Variants in MRAS observed in about 807,000 individuals in gnomAD.
The protein encoded by MRAS is muscle RAS oncogene homolog.
In MRAS, 4 loss-of-function variants were observed where a neutral mutation model predicts 20.9. That is an observed-to-expected ratio of 0.19 (90% CI 0.09 to 0.44). The LOEUF is 0.44. Among genes scored for constraint, MRAS ranks in the 20% least tolerant of loss-of-function variants. MRAS has a pLI of 0.99. For missense variants in MRAS, 154 were observed against 277.5 expected, an observed-to-expected ratio of 0.56 and a Z score of 3.16; for synonymous variants, 98 against 102.9, an observed-to-expected ratio of 0.95 and a Z score of 0.29.
rs185305457 is a variant in MRAS at position 138,354,704 on chromosome 3, T to C, written c.-19+5937T>C. Among the ~76,000 whole-genome samples, 1,122 of 152,360 alleles carry C rather than the reference T, an allele frequency of 7.4e-3. 7 individuals are homozygous for C. The highest frequency in any genetic ancestry group is 0.012 in the Non-Finnish European group (822 of 68,042). On this transcript the variant is annotated intron_variant, in intron 1 of 5. Coordinates refer to ENST00000423968, the MANE Select transcript of MRAS (RefSeq NM_001085049.3). The stretch of plus-strand genomic sequence containing the variant: ...TAGCTGCCTAAACTGAACTGTAATA[T>C]TAATGATAGGTTTGTATGTTTGGAA...
intron 1 of MRAS, among the ~76,000 whole-genome samples, chr3:138,360,916 G>T (rs932972972): frequency 4.6e-5 from 7 of 152,234 alleles, no homozygotes; most frequent in Non-Finnish European, 7.3e-5. Flanking sequence ...TTTGAGGGCA[G>T]ATGAAGAGGG....
rs185627781 is a variant in MRAS, at chr3:138,393,830, C to T, written c.194-3494C>T. ...TCAGCCTCCCGAGTAGCTGGGATTA[C>T]AGGCACCTGCCACCATGCCCAGCTA... is the stretch of plus-strand genomic sequence containing the variant. On this transcript the variant is annotated intron_variant, in intron 2 of 5. Transcript: ENST00000423968. Among the ~76,000 whole-genome samples the T allele has an allele frequency of 5.3e-5, 8 of 152,208 alleles. No homozygotes were observed. The East Asian group carries it at 1.6e-3, about 29-fold the overall frequency.
chr3:138,357,326 C>G (rs965663585), intron 1 of MRAS, among the ~76,000 whole-genome samples: 4 of 152,238 alleles, frequency 2.6e-5, no homozygotes, highest in African/African-American at 9.6e-5. Context: ...GACTCAGGGA[C>G]TTTCAGTCCT....
rs554995592 is a variant in MRAS at position 138,364,201 on chromosome 3, G to T, written c.-18-8665G>T. ...CTGCTAGCCTTCCGAGAAGGGAGAGGTAGGAGGCTGAGCTGTGTTGAACTG... is the reference window on the plus strand; with the variant it reads ...CTGCTAGCCTTCCGAGAAGGGAGAGTTAGGAGGCTGAGCTGTGTTGAACTG... On this transcript the variant is annotated intron_variant, in intron 1 of 5. Coordinates refer to ENST00000423968, the MANE Select transcript of MRAS (RefSeq NM_001085049.3). Among the ~76,000 whole-genome samples the T allele has an allele frequency of 6.6e-5, 10 of 152,288 alleles. No homozygotes were observed. The South Asian group carries it at 2.1e-3, about 32-fold the overall frequency.
At chr3:138,353,381 A>G (rs1414574746) in intron 1 of MRAS, among the ~76,000 whole-genome samples, 1 of 152,184 alleles carries the variant, frequency 6.6e-6, no homozygotes, top group Non-Finnish European at 1.5e-5. Flanking sequence ...ACTTTCCACA[A>G]GGGGAGTCCT....
chr3:138,358,791 C>G (rs1482362713), intron 1 of MRAS, among the ~76,000 whole-genome samples: 2 of 152,146 alleles, frequency 1.3e-5, no homozygotes, highest in Non-Finnish European at 2.9e-5. Flanking sequence ...TTTGGGAGAC[C>G]CTGATAGTAA....
chr3:138,365,173 A>C (rs1363115549), intron 1 of MRAS, among the ~76,000 whole-genome samples: 2 of 152,210 alleles, frequency 1.3e-5, no homozygotes, highest in African/African-American at 4.8e-5. Context: ...TCTACCTTCT[A>C]GGGTTGTTGT....
Position 138,359,921 on chromosome 3 carries a change from A to G in MRAS, c.-19+11154A>G, listed in dbSNP as rs571176304. Among the ~76,000 whole-genome samples, 4 of 152,378 alleles carry G rather than the reference A, an allele frequency of 2.6e-5. No homozygotes were observed. In the East Asian group the frequency reaches 7.7e-4, roughly 29 times the overall value. On this transcript the variant is annotated intron_variant, in intron 1 of 5. Coordinates refer to ENST00000423968, the MANE Select transcript of MRAS (RefSeq NM_001085049.3). Reference sequence around the variant, plus strand: ...GTGTAAAACTTTTTCATTGGTGGCCAGTATTTAAAATAATAAAATAGCCAG... The same window carrying G: ...GTGTAAAACTTTTTCATTGGTGGCCGGTATTTAAAATAATAAAATAGCCAG...
chr3:138,387,908 G>T (rs908959998), intron 2 of MRAS, among the ~76,000 whole-genome samples: 6 of 152,164 alleles, frequency 3.9e-5, no homozygotes, highest in Non-Finnish European at 7.4e-5. Flanking sequence ...CCCCACAGCT[G>T]CAGGGTGTAG....
chr3:138,390,660 T>G (rs1056887469), intron 2 of MRAS, among the ~76,000 whole-genome samples: 8 of 151,106 alleles, frequency 5.3e-5, no homozygotes, highest in African/African-American at 1.9e-4. Context: ...GCCGGGCATT[T>G]GCAGGTGTAT....
At chr3:138,392,566 G>A (rs2055154937) in intron 2 of MRAS, among the ~76,000 whole-genome samples, 3 of 152,086 alleles carry the variant, frequency 2.0e-5, no homozygotes, top group Non-Finnish European at 2.9e-5. Flanking sequence ...TGATGACTGC[G>A]GCACTTCTTG....
chr3:138,355,641 C>T (rs996802717), intron 1 of MRAS, among the ~76,000 whole-genome samples: 1 of 152,156 alleles, frequency 6.6e-6, no homozygotes, highest in Non-Finnish European at 1.5e-5. Flanking sequence ...TAAAGAATAA[C>T]ACCACCAGGC....
intron 1 of MRAS, among the ~76,000 whole-genome samples, chr3:138,366,539 C>T (rs1355390104): frequency 6.6e-6 from 1 of 152,208 alleles, no homozygotes; most frequent in Admixed American, 6.5e-5. Context: ...TCTGGATTGG[C>T]CCTGGGCCAG....
chr3:138,375,876 G>A (rs1429133389), intron 2 of MRAS, among the ~76,000 whole-genome samples: 2 of 151,960 alleles, frequency 1.3e-5, no homozygotes, highest in Admixed American at 6.6e-5. Context: ...ATAAAAATTA[G>A]CCTCGGGTGG....
chr3:138,381,065 G>A (rs1218145116), intron 2 of MRAS, among the ~76,000 whole-genome samples: 1 of 152,174 alleles, frequency 6.6e-6, no homozygotes, highest in Non-Finnish European at 1.5e-5. Context: ...GAGCCGCCAC[G>A]CCCGGCCTTC....
intron 1 of MRAS, among the ~76,000 whole-genome samples, chr3:138,369,491 C>T (rs1278172582): frequency 6.6e-6 from 1 of 152,078 alleles, no homozygotes; most frequent in Non-Finnish European, 1.5e-5. Flanking sequence ...GGGGCTGCGG[C>T]ACGGGTGTGG....
intron 1 of MRAS, among the ~76,000 whole-genome samples, chr3:138,366,884 A>G (rs946433415): frequency 2.0e-5 from 3 of 152,198 alleles, no homozygotes; most frequent in Non-Finnish European, 2.9e-5. Flanking sequence ...TAGGGGACCT[A>G]TGGACCCCTT....
chr3:138,360,984 A>T (rs777501729), intron 1 of MRAS, among the ~76,000 whole-genome samples: 3 of 152,090 alleles, frequency 2.0e-5, no homozygotes, highest in Non-Finnish European at 2.9e-5. Flanking sequence ...AGCCTCTCTG[A>T]CCTTCACGGT....
rs1190844251 is a variant in MRAS at position 138,397,314 on chromosome 3, C to T, written c.194-10C>T. 1 of 1,613,594 alleles carries T rather than the reference C, an allele frequency of 6.2e-7. No homozygotes were observed. The highest frequency in any genetic ancestry group is 8.5e-7 in the Non-Finnish European group (1 of 1,179,754). On this transcript the variant is annotated splice_polypyrimidine_tract_variant and intron_variant, in intron 2 of 5. Coordinates refer to ENST00000423968, the MANE Select transcript of MRAS (RefSeq NM_001085049.3). Reference sequence around the variant, plus strand: ...GAGGACAGCCCCTGAGTGGCCTCATCCCACCCCAGTTCTGGACACAGCTGG... The same window carrying T: ...GAGGACAGCCCCTGAGTGGCCTCATTCCACCCCAGTTCTGGACACAGCTGG...
Sources: allele counts gnomAD v4.1 joint callset (sites outside exome capture counted in the v4.1 genomes callset), GRCh38; gene constraint gnomAD v4.1.1; transcripts MANE v1.5; gene names NCBI Gene and HGNC (gene_info 2026-07-23, HGNC 2026-07-21).